PLCH1: variants seen among roughly 807,000 people sequenced by gnomAD.
PLCH1 encodes the protein 1-phosphatidylinositol 4,5-bisphosphate phosphodiesterase eta-1.
A neutral mutation model predicts 126.7 loss-of-function variants in PLCH1; 60 were observed. The observed-to-expected ratio is 0.47, with a 90% confidence interval of 0.38 to 0.59. PLCH1 has a LOEUF of 0.59. PLCH1 is among the 20% of genes least tolerant of loss of function. PLCH1 has a pLI of 0.00. For missense variants in PLCH1, 1,723 were observed against 2,040.0 expected (o/e 0.84, Z 2.99); for synonymous variants, 719 against 734.9 (o/e 0.98, Z 0.35).
intron 2 of PLCH1, among the ~76,000 whole-genome samples, chr3:155,701,129 G>A (rs1309220457): frequency 6.6e-6 from 1 of 152,178 alleles, no homozygotes; most frequent in African/African-American, 2.4e-5. Flanking sequence ...AACCTTTCCA[G>A]ATATTTCATT....
intron 2 of PLCH1, among the ~76,000 whole-genome samples, chr3:155,677,566 C>T (rs1744188066): frequency 6.6e-6 from 1 of 152,198 alleles, no homozygotes; most frequent in South Asian, 2.1e-4. Context: ...CACCAACTAG[C>T]TGTGAGACTT....
At chr3:155,668,621 G>A (rs79429024) in intron 2 of PLCH1, among the ~76,000 whole-genome samples, 2,544 of 152,204 alleles carry the variant, frequency 0.017, 74 homozygotes, top group African/African-American at 0.056. Flanking sequence ...GGCTGGGTGC[G>A]GTGGCTCACA....
chr3:155,561,932 C>T (rs1727687417), intron 8 of PLCH1, among the ~76,000 whole-genome samples: 3 of 152,130 alleles, frequency 2.0e-5, no homozygotes, highest in Non-Finnish European at 4.4e-5. Context: ...CAGGTGCATG[C>T]CACCATGCCC....
At chr3:155,523,464 G>A (rs1462949226) in intron 11 of PLCH1, among the ~76,000 whole-genome samples, 3 of 152,222 alleles carry the variant, frequency 2.0e-5, no homozygotes, top group Non-Finnish European at 4.4e-5. Flanking sequence ...AAGAGGGCAT[G>A]GGCATCCCAG....
chr3:155,740,683 T>A (rs142472632), intron 1 of PLCH1, among the ~76,000 whole-genome samples: 1 of 152,254 alleles, frequency 6.6e-6, no homozygotes, highest in African/African-American at 2.4e-5. Flanking sequence ...AGACCTCATG[T>A]CTAAAATTAA....
intron 12 of PLCH1, among the ~76,000 whole-genome samples, chr3:155,510,181 T>C (rs199744350): frequency 0.022 from 2,353 of 104,844 alleles, 141 homozygotes; most frequent in East Asian, 0.15. Flanking sequence ...TTGCAACCCC[T>C]GCCTTTTTTT....
At chr3:155,653,118 G>GATAGATATAGAT (rs11275678) in intron 2 of PLCH1, among the ~76,000 whole-genome samples, 423 of 138,174 alleles carry the variant, frequency 3.1e-3, no homozygotes, top group Middle Eastern at 0.011. Flanking sequence ...TATAGATGTA[G>GATAGATATAGAT]ATAGATATAG....
intron 10 of PLCH1, among the ~76,000 whole-genome samples, chr3:155,526,057 A>C (rs757069043): frequency 6.6e-6 from 1 of 152,222 alleles, no homozygotes; most frequent in Non-Finnish European, 1.5e-5. Flanking sequence ...ACAGGCAGAA[A>C]GGAATATTTA....
At chr3:155,701,729 C>G (rs923168731) in intron 2 of PLCH1, among the ~76,000 whole-genome samples, 1 of 152,172 alleles carries the variant, frequency 6.6e-6, no homozygotes, top group East Asian at 1.9e-4. Context: ...AAATCCTCTA[C>G]AAAGACATTA....
intron 2 of PLCH1, among the ~76,000 whole-genome samples, chr3:155,646,056 T>C (rs576760928): frequency 2.0e-5 from 3 of 152,188 alleles, no homozygotes; most frequent in Admixed American, 2.0e-4. Context: ...ATAAAGGACA[T>C]GGTGAGGGTA....
At chr3:155,512,276 A>C (rs2108223512) in intron 12 of PLCH1, among the ~76,000 whole-genome samples, 1 of 152,272 alleles carries the variant, frequency 6.6e-6, no homozygotes, top group Admixed American at 6.5e-5. Context: ...CTCCCTGAGC[A>C]CCGGCACATC....
intron 1 of PLCH1, among the ~76,000 whole-genome samples, chr3:155,736,269 A>C (rs760871265): frequency 6.6e-6 from 1 of 152,354 alleles, no homozygotes; most frequent in East Asian, 1.9e-4. Context: ...TTAGTGATTT[A>C]CCCAGTAAAT....
intron 1 of PLCH1, among the ~76,000 whole-genome samples, chr3:155,706,852 G>A (rs1746714191): frequency 6.6e-6 from 1 of 152,104 alleles, no homozygotes; most frequent in Non-Finnish European, 1.5e-5. Context: ...CTGTAAGGAA[G>A]CCCAGATTTA....
intron 21 of PLCH1, among the ~76,000 whole-genome samples, chr3:155,452,351 T>A (rs1045176408): frequency 6.6e-6 from 1 of 152,076 alleles, no homozygotes; most frequent in Admixed American, 6.6e-5. Context: ...CCACAACACA[T>A]GGGAATTATG....
intron 1 of PLCH1, among the ~76,000 whole-genome samples, chr3:155,737,245 A>AAAAAAAAAAAAC (rs1749266182): frequency 6.6e-6 from 1 of 150,668 alleles, no homozygotes; most frequent in Non-Finnish European, 1.5e-5. Context: ...AAAAAAAAAA[A>AAAAAAAAAAAAC]AAAAGAGTAT....
intron 1 of PLCH1, among the ~76,000 whole-genome samples, chr3:155,726,594 G>A (rs1194432746): frequency 1.3e-5 from 2 of 151,890 alleles, no homozygotes. Context: ...GCTTTTTATT[G>A]ATCCTTGAAA....
chr3:155,485,499 T>C lies in PLCH1; in HGVS notation c.2831A>G (p.Asp944Gly). The part of the protein sequence containing the change: ...IKDSVSEATR[D>G]QDGVLRRTTR... Reference sequence around the variant, plus strand: ...GGTCCTCCTCAGCACGCCATCTTGATCTCTTGTGGCCTCGGACACAGAATC... The same window carrying C: ...GGTCCTCCTCAGCACGCCATCTTGACCTCTTGTGGCCTCGGACACAGAATC... The change falls in exon 22 of 23, where the codon GAT becomes GGT. Residue 944 changes from aspartate (D) to glycine (G), a missense_variant. Asp to Gly is a moderately conservative substitution (Grantham distance 94, BLOSUM62 -1). Transcript: ENST00000460012. 1 of 1,614,210 alleles carries C rather than the reference T, an allele frequency of 6.2e-7. No homozygotes were observed. Among genetic ancestry groups the C allele is most frequent in the Non-Finnish European group, 8.5e-7 (1 of 1,180,030 alleles).
chr3:155,504,264 A>G (rs1718332982), intron 13 of PLCH1, among the ~76,000 whole-genome samples: 1 of 152,124 alleles, frequency 6.6e-6, no homozygotes, highest in South Asian at 2.1e-4. Flanking sequence ...AATAACACAT[A>G]CCCATTATGT....
chr3:155,542,593 T>C (rs1358001165), intron 10 of PLCH1, among the ~76,000 whole-genome samples: 4 of 152,176 alleles, frequency 2.6e-5, no homozygotes, highest in African/African-American at 7.2e-5. Context: ...CTCAAGTGGG[T>C]CCCTGACCCC....
Sources: gnomAD v4.1 joint callset for allele counts (sites outside exome capture counted in the v4.1 genomes callset) on GRCh38, gnomAD v4.1.1 for gene constraint, MANE v1.5 for transcripts, NCBI Gene and HGNC (gene_info 2026-07-23, HGNC 2026-07-21) for gene names.